The following TFEC variants were observed in gnomAD, a reference collection of about 807,000 sequenced individuals.
The protein encoded by TFEC is class E basic helix-loop-helix protein 34.
TFEC carries 31 observed loss-of-function variants against 41.6 expected under a neutral mutation model. The ratio of observed to expected loss-of-function variants is 0.74; its 90% CI spans 0.56 to 1.01. The LOEUF is 1.01. Ranked by LOEUF, TFEC falls within the 50% of genes least tolerant of loss-of-function variation. TFEC has a pLI of 0.00. For synonymous variants in TFEC, 143 were observed against 140.6 expected, an observed-to-expected ratio of 1.02 and a Z score of -0.12; for missense variants, 402 against 404.1, an observed-to-expected ratio of 0.99 and a Z score of 0.04.
intron 2 of TFEC, among the ~76,000 whole-genome samples, chr7:115,982,218 C>CAA (rs57020486): frequency 6.2e-4 from 91 of 147,828 alleles, no homozygotes; most frequent in African/African-American, 2.1e-3. Flanking sequence ...AAAAAAAAAA[C>CAA]AAAAAAAAAC....
chr7:116,114,571 A>G (rs1797932075), intron 1 of TFEC, among the ~76,000 whole-genome samples: 1 of 151,890 alleles, frequency 6.6e-6, no homozygotes, highest in Non-Finnish European at 1.5e-5. Context: ...GTGGGGGTGA[A>G]GTTCCAAGGG....
At chr7:116,095,410 A>G (rs538062247) in intron 3 of TFEC, among the ~76,000 whole-genome samples, 1 of 152,332 alleles carries the variant, frequency 6.6e-6, no homozygotes, top group Admixed American at 6.5e-5. Context: ...GCATGTGTGG[A>G]CACATACACA....
chr7:116,051,251 C>T (rs141400134), intron 3 of TFEC, among the ~76,000 whole-genome samples: 1,541 of 152,244 alleles, frequency 0.01, 35 homozygotes, highest in African/African-American at 0.035. Context: ...ACATATGTAA[C>T]AAACCTGCAC....
At chr7:115,974,631 GAT>G (rs1793302072) in intron 2 of TFEC, among the ~76,000 whole-genome samples, 1 of 150,516 alleles carries the variant, frequency 6.6e-6, no homozygotes, top group South Asian at 2.1e-4. Flanking sequence ...TCTCAAGGCA[GAT>G]AGGGTCCCTA....
At chr7:116,055,182 T>C (rs1796398515) in intron 3 of TFEC, among the ~76,000 whole-genome samples, 1 of 152,138 alleles carries the variant, frequency 6.6e-6, no homozygotes, top group Non-Finnish European at 1.5e-5. Flanking sequence ...ACAAATCATC[T>C]TTCATCTTTG....
chr7:115,950,720 A>G (rs1791889893), intron 6 of TFEC, among the ~76,000 whole-genome samples, 154 bp downstream of exon 6: 3 of 152,138 alleles, frequency 2.0e-5, no homozygotes, highest in Admixed American at 2.0e-4. Context: ...ATCAGACTGG[A>G]ATAGACATTT....
intron 1 of TFEC, among the ~76,000 whole-genome samples, chr7:116,142,435 G>A (rs1798560264): frequency 6.6e-6 from 1 of 152,144 alleles, no homozygotes; most frequent in South Asian, 2.1e-4. Context: ...GGTCCTACCA[G>A]CTACAATTGT....
chr7:115,972,186 C>T (rs913068721), intron 3 of TFEC, among the ~76,000 whole-genome samples: 4 of 151,970 alleles, frequency 2.6e-5, no homozygotes, highest in African/African-American at 7.2e-5. Flanking sequence ...CTATACAGTA[C>T]TTCATAACTA....
At chr7:116,002,783 C>T (rs763276543) in intron 1 of TFEC, among the ~76,000 whole-genome samples, 15 of 151,998 alleles carry the variant, frequency 9.9e-5, no homozygotes, top group Non-Finnish European at 1.0e-4. Context: ...TTATGTACCT[C>T]ATAAATGCAC....
At chr7:116,056,723 G>A (rs551340875) in intron 3 of TFEC, among the ~76,000 whole-genome samples, 21 of 152,168 alleles carry the variant, frequency 1.4e-4, no homozygotes, top group Middle Eastern at 3.4e-3. Flanking sequence ...CCAGAACAAA[G>A]TTCAAAACTA....
At chr7:116,101,087 CT>C (rs1243280952) in intron 3 of TFEC, among the ~76,000 whole-genome samples, 2 of 151,820 alleles carry the variant, frequency 1.3e-5, no homozygotes, top group African/African-American at 4.8e-5. Context: ...GAAACATTGC[CT>C]TTTTGGTATA....
At chr7:116,139,734 G>C (rs568950237) in intron 1 of TFEC, among the ~76,000 whole-genome samples, 3 of 152,324 alleles carry the variant, frequency 2.0e-5, no homozygotes, top group South Asian at 4.1e-4. Flanking sequence ...TTGTAGAAGA[G>C]AGGGAGTTTG....
At chr7:115,950,146 G>T (rs1293072053) in intron 6 of TFEC, among the ~76,000 whole-genome samples, 2 of 151,410 alleles carry the variant, frequency 1.3e-5, no homozygotes, top group South Asian at 4.2e-4. Flanking sequence ...TGAGTAGCTG[G>T]GATTACAGGC....
At chr7:115,968,489 C>A (rs1792977779) in intron 3 of TFEC, among the ~76,000 whole-genome samples, 1 of 151,790 alleles carries the variant, frequency 6.6e-6, no homozygotes, top group Non-Finnish European at 1.5e-5. Flanking sequence ...TTTACTTAGA[C>A]TACCAAATGC....
intron 1 of TFEC, among the ~76,000 whole-genome samples, chr7:116,119,137 T>C (rs1798055024): frequency 6.6e-6 from 1 of 151,866 alleles, no homozygotes. Flanking sequence ...TTATTTTTTA[T>C]ATCCTTCAAT....
intron 3 of TFEC, among the ~76,000 whole-genome samples, chr7:115,959,565 T>C (rs1000828042): frequency 6.6e-6 from 1 of 151,594 alleles, no homozygotes; most frequent in African/African-American, 2.4e-5. Context: ...ATTTCAAAAG[T>C]AAGGCAACAA....
At chr7:116,155,167 C>A (rs534656880) in intron 1 of TFEC, among the ~76,000 whole-genome samples, 1 of 152,274 alleles carries the variant, frequency 6.6e-6, no homozygotes, top group East Asian at 1.9e-4. Context: ...ACACATCATT[C>A]TGATGAATGC....
At chr7:115,984,661 T>C (rs1362577233) in intron 1 of TFEC, 148 bp from the exon 2 acceptor site, 7 of 923,824 alleles carry the variant, frequency 7.6e-6, no homozygotes, top group Non-Finnish European at 1.1e-5. Flanking sequence ...CTGTCATAAG[T>C]TACATACAAT....
intron 1 of TFEC, among the ~76,000 whole-genome samples, chr7:116,133,505 C>T (rs1449123910): frequency 3.3e-5 from 5 of 151,048 alleles, no homozygotes; most frequent in Non-Finnish European, 7.4e-5. Context: ...CCCTGCACTC[C>T]AGCCTGGGTG....
Sources: allele counts gnomAD v4.1 joint callset (sites outside exome capture counted in the v4.1 genomes callset), GRCh38; gene constraint gnomAD v4.1.1; transcripts MANE v1.5; gene names NCBI Gene and HGNC (gene_info 2026-07-23, HGNC 2026-07-21).